The following PTPRD variants were observed in gnomAD, a reference collection of about 807,000 sequenced individuals.
PTPRD encodes the protein receptor-type tyrosine-protein phosphatase delta.
PTPRD carries 34 observed loss-of-function variants against 214.5 expected under a neutral mutation model. The observed-to-expected ratio is 0.16, with a 90% CI of 0.12 to 0.21. The LOEUF (loss-of-function observed/expected upper bound fraction) is 0.21, where lower values mean the gene tolerates loss of function less well. PTPRD is among the 10% of genes least tolerant of loss of function. The probability of loss-of-function intolerance (pLI) is 1.00; values close to 1 mark genes in which losing one functional copy is unlikely to be tolerated. For missense variants in PTPRD, 2,545 were observed against 2,398.7 expected, an observed-to-expected ratio of 1.06 and a Z score of -1.27; for synonymous variants, 1,128 against 845.7, an observed-to-expected ratio of 1.33 and a Z score of -5.79.
intron 21 of PTPRD, among the ~76,000 whole-genome samples, chr9:8,511,534 G>T (rs912622389): frequency 6.6e-6 from 1 of 151,068 alleles, no homozygotes; most frequent in African/African-American, 2.4e-5. Context: ...TTCCTTCACT[G>T]ATTAACTGAA....
At chr9:9,587,502 A>G (rs1592279537) in intron 7 of PTPRD, among the ~76,000 whole-genome samples, 2 of 152,080 alleles carry the variant, frequency 1.3e-5, no homozygotes, top group East Asian at 3.9e-4. Flanking sequence ...ATTTAATTGA[A>G]GTGCCCACTA....
chr9:8,912,695 A>ATT (rs2098756437), intron 11 of PTPRD, among the ~76,000 whole-genome samples: 3 of 152,212 alleles, frequency 2.0e-5, no homozygotes, highest in Non-Finnish European at 2.9e-5. Context: ...ACAATGGATT[A>ATT]ATTCAGGAAA....
chr9:8,760,761 A>C (rs77743391), intron 11 of PTPRD, among the ~76,000 whole-genome samples: 1 of 152,024 alleles, frequency 6.6e-6, no homozygotes, highest in Non-Finnish European at 1.5e-5. Context: ...TGGCCTTTCT[A>C]GTGATTATTC....
intron 2 of PTPRD, among the ~76,000 whole-genome samples, chr9:10,374,916 A>T (rs2097698415): frequency 2.0e-5 from 3 of 152,086 alleles, no homozygotes; most frequent in Admixed American, 1.3e-4. Flanking sequence ...AATAATTTGG[A>T]ACTGCAGTGA....
chr9:10,086,362 T>C (rs1274693057), intron 3 of PTPRD, among the ~76,000 whole-genome samples: 2 of 151,686 alleles, frequency 1.3e-5, no homozygotes, highest in East Asian at 2.0e-4. Context: ...AACCCAACTA[T>C]CCTCTCCTTT....
At chr9:8,483,333 T>C (rs1330520699) in intron 30 of PTPRD, among the ~76,000 whole-genome samples, 1 of 152,250 alleles carries the variant, frequency 6.6e-6, no homozygotes, top group Non-Finnish European at 1.5e-5. Flanking sequence ...TATACCATTA[T>C]CTAATTTCCC....
rs557706742 is a variant in PTPRD, at chr9:10,428,830, C to G, written c.-599-87813G>C. Among the ~76,000 whole-genome samples, 3 of 152,040 alleles carry G rather than the reference C, an allele frequency of 2.0e-5. No homozygotes were observed. In the East Asian group the frequency reaches 5.9e-4, roughly 30 times the overall value. On this transcript the variant is annotated intron_variant, in intron 2 of 45. Transcript: ENST00000381196. ...GTGGAGCTTTGGTAATTGTATTCCT[C>G]TTGATTTGAGGAAATGCAGCCTGGC...
intron 7 of PTPRD, among the ~76,000 whole-genome samples, chr9:9,697,645 A>G (rs1264650766): frequency 6.6e-6 from 1 of 152,040 alleles, no homozygotes; most frequent in East Asian, 1.9e-4. Flanking sequence ...GAGTTTAATT[A>G]TTATATGCCT....
intron 4 of PTPRD, among the ~76,000 whole-genome samples, chr9:10,030,257 G>A (rs2097030832): frequency 2.0e-5 from 3 of 152,182 alleles, no homozygotes; most frequent in African/African-American, 2.4e-5. Context: ...GTGAGAAGGT[G>A]AGAAAGGAGT....
At chr9:9,785,424 T>C (rs2098915406) in intron 5 of PTPRD, among the ~76,000 whole-genome samples, 1 of 152,096 alleles carries the variant, frequency 6.6e-6, no homozygotes, top group African/African-American at 2.4e-5. Flanking sequence ...ATCATGTACC[T>C]TGATATGATG....
intron 10 of PTPRD, among the ~76,000 whole-genome samples, chr9:9,083,772 C>G (rs2099762628): frequency 6.6e-6 from 1 of 152,072 alleles, no homozygotes; most frequent in African/African-American, 2.4e-5. Context: ...CAAAAGAAGA[C>G]ATTTATGCAG....
intron 3 of PTPRD, among the ~76,000 whole-genome samples, chr9:10,109,830 T>G (rs780909179): frequency 8.5e-5 from 13 of 152,112 alleles, no homozygotes; most frequent in Non-Finnish European, 4.4e-5. Context: ...TTATATATTT[T>G]TTTCATTGTT....
At chr9:9,506,467 C>T (rs2096573722) in intron 8 of PTPRD, among the ~76,000 whole-genome samples, 2 of 151,240 alleles carry the variant, frequency 1.3e-5, no homozygotes, top group Admixed American at 1.3e-4. Context: ...GCCTTTTTGT[C>T]CTTCCAGATT....
chr9:8,482,894 C>G (rs2096917113), intron 30 of PTPRD, among the ~76,000 whole-genome samples: 1 of 148,598 alleles, frequency 6.7e-6, no homozygotes. Flanking sequence ...CTATTTATCC[C>G]TTAAGATTTA....
intron 5 of PTPRD, among the ~76,000 whole-genome samples, chr9:9,920,223 T>C (rs537177217): frequency 1.1e-3 from 174 of 152,080 alleles, no homozygotes; most frequent in Non-Finnish European, 2.0e-3. Context: ...AACAGAACAG[T>C]TTGTTTACCT....
intron 11 of PTPRD, among the ~76,000 whole-genome samples, chr9:8,831,305 G>T (rs1332052794): frequency 6.6e-6 from 1 of 152,166 alleles, no homozygotes; most frequent in African/African-American, 2.4e-5. Flanking sequence ...AGAATGTCAA[G>T]AAATGTTTAA....
At chr9:8,366,910 C>T (rs935454289) in intron 39 of PTPRD, among the ~76,000 whole-genome samples, 2 of 152,236 alleles carry the variant, frequency 1.3e-5, no homozygotes, top group Non-Finnish European at 2.9e-5. Context: ...TAATGCAACG[C>T]TGCCATGGTG....
chr9:10,258,034 A>G (rs1212626413), intron 3 of PTPRD, among the ~76,000 whole-genome samples: 1 of 152,102 alleles, frequency 6.6e-6, no homozygotes, highest in Non-Finnish European at 1.5e-5. Context: ...GGGGGCAGGA[A>G]GGTGGTGGAG....
At chr9:10,134,227 G>A (rs557283407) in intron 3 of PTPRD, among the ~76,000 whole-genome samples, 5 of 152,124 alleles carry the variant, frequency 3.3e-5, no homozygotes, top group Admixed American at 2.6e-4. Context: ...CCAGAGAGCT[G>A]CAGGTCTCCT....
Sources: allele counts gnomAD v4.1 joint callset (sites outside exome capture counted in the v4.1 genomes callset), GRCh38; gene constraint gnomAD v4.1.1; transcripts MANE v1.5; gene names NCBI Gene and HGNC (gene_info 2026-07-23, HGNC 2026-07-21).